Variants in CDH12 observed in about 807,000 individuals in gnomAD.
CDH12 encodes cadherin-12.
Under a neutral mutation model 74.1 loss-of-function variants are expected in CDH12, and 41 were observed. That is an observed-to-expected ratio of 0.55 (90% CI 0.43 to 0.72). The LOEUF (loss-of-function observed/expected upper bound fraction) is 0.72. CDH12 is among the 30% of genes least tolerant of loss of function. The pLI, the probability that CDH12 is intolerant of heterozygous loss-of-function variation, is 0.00. For missense variants in CDH12, 945 were observed against 977.2 expected, an observed-to-expected ratio of 0.97 and a Z score of 0.44; for synonymous variants, 399 against 355.0, an observed-to-expected ratio of 1.12 and a Z score of -1.39.
At chr5:22,034,286 C>T (rs1415495014) in intron 5 of CDH12, among the ~76,000 whole-genome samples, 4 of 152,172 alleles carry the variant, frequency 2.6e-5, no homozygotes, top group Non-Finnish European at 5.9e-5. Context: ...CTGCCCACCT[C>T]GGCCTCCCAG....
intron 9 of CDH12, among the ~76,000 whole-genome samples, chr5:21,806,980 GC>G (rs1561201255): frequency 6.6e-6 from 1 of 152,146 alleles, no homozygotes; most frequent in African/African-American, 2.4e-5. Flanking sequence ...TATGATAGTG[GC>G]CTGAATTCTG....
intron 1 of CDH12, among the ~76,000 whole-genome samples, chr5:22,700,770 T>G (rs2126959163): frequency 6.6e-6 from 1 of 152,328 alleles, no homozygotes; most frequent in Admixed American, 6.5e-5. Flanking sequence ...TTGAATCCAT[T>G]AATTCTAATG....
chr5:21,936,847 A>G (rs1426414032), intron 6 of CDH12, among the ~76,000 whole-genome samples: 3 of 152,084 alleles, frequency 2.0e-5, no homozygotes, highest in Non-Finnish European at 4.4e-5. Context: ...TTTCCCCTGC[A>G]TGCTCTCTCT....
rs1488112306 is a variant in CDH12 at position 22,562,014 on chromosome 5, A to G, written c.-522-56650T>C. 2.6e-5 allele frequency among the ~76,000 whole-genome samples: 4 copies of G among 152,336 alleles called. No homozygotes were observed. The East Asian group carries it at 7.7e-4, about 29-fold the overall frequency. On this transcript the variant is annotated intron_variant, in intron 1 of 14. Coordinates refer to ENST00000382254, the MANE Select transcript of CDH12 (RefSeq NM_004061.5). ...ACAGTGTATAAAAATGTTTTCATCA[A>G]TGTAATTTAAACATACATAGAGGCC... is the stretch of plus-strand genomic sequence containing the variant.
intron 1 of CDH12, among the ~76,000 whole-genome samples, chr5:22,831,567 C>A (rs1736613883): frequency 6.6e-6 from 1 of 151,848 alleles, no homozygotes; most frequent in Non-Finnish European, 1.5e-5. Context: ...AAACAAAAAC[C>A]AGGAAGACTA....
At chr5:22,239,412 A>G (rs919466480) in intron 3 of CDH12, among the ~76,000 whole-genome samples, 1 of 151,952 alleles carries the variant, frequency 6.6e-6, no homozygotes, top group Non-Finnish European at 1.5e-5. Context: ...AGATTATTCA[A>G]TAACATCAGA....
intron 4 of CDH12, among the ~76,000 whole-genome samples, chr5:22,180,712 G>A (rs1384122544): frequency 6.6e-6 from 1 of 151,962 alleles, no homozygotes; most frequent in Non-Finnish European, 1.5e-5. Context: ...TGTTGGCCAG[G>A]CTGGTCTCGA....
At position 21,752,236 on chromosome 5, in the gene CDH12, G is replaced by T; in HGVS notation, c.1886C>A (p.Ala629Asp). Residue 629 changes from alanine to aspartate, a missense_variant and splice_region_variant, in exon 15 of 15, where the codon GCC becomes GAC. Around this residue, in one of 3 missense-constraint regions of CDH12, gnomAD observed 791 missense variants for 792.8 expected, o/e 1.00. Transcript: ENST00000382254. ...AILLCIVILL[A>D]IVVLYVALRR... ...CAGTGCTACATACAGTACAACTATG[G>T]CTGGAACAAGACAAAAATTGCAATT... 1 of 1,575,788 alleles carries T rather than the reference G, an allele frequency of 6.3e-7. No homozygotes were observed. Among genetic ancestry groups the T allele is most frequent in the Non-Finnish European group, 8.6e-7 (1 of 1,161,846 alleles).
intron 6 of CDH12, among the ~76,000 whole-genome samples, chr5:21,930,556 T>C (rs1000392540): frequency 8.5e-5 from 13 of 152,184 alleles, no homozygotes; most frequent in African/African-American, 3.1e-4. Flanking sequence ...AACCTGTTTC[T>C]TGAAAATTTA....
chr5:22,514,829 T>C (rs1055682000), intron 1 of CDH12, among the ~76,000 whole-genome samples: 1 of 152,116 alleles, frequency 6.6e-6, no homozygotes, highest in African/African-American at 2.4e-5. Flanking sequence ...ATATCTGATA[T>C]AGTTCACTAA....
intron 4 of CDH12, among the ~76,000 whole-genome samples, chr5:22,093,030 T>A (rs1269149078): frequency 6.6e-6 from 1 of 152,002 alleles, no homozygotes; most frequent in East Asian, 1.9e-4. Flanking sequence ...CCTTGCAGCA[T>A]GGGGCTGATG....
At chr5:22,808,405 G>T (rs970825920) in intron 1 of CDH12, among the ~76,000 whole-genome samples, 1 of 151,984 alleles carries the variant, frequency 6.6e-6, no homozygotes, top group East Asian at 1.9e-4. Flanking sequence ...CTTTTTCAGA[G>T]AAAATTTTAA....
At chr5:22,191,552 G>GTGTT (rs1750276816) in intron 4 of CDH12, among the ~76,000 whole-genome samples, 1 of 109,708 alleles carries the variant, frequency 9.1e-6, no homozygotes, top group African/African-American at 3.2e-5. Context: ...TACACCAATG[G>GTGTT]TCTTTTTATT....
intron 4 of CDH12, among the ~76,000 whole-genome samples, chr5:22,115,459 T>C (rs1745032544): frequency 6.6e-6 from 1 of 152,162 alleles, no homozygotes; most frequent in East Asian, 1.9e-4. Flanking sequence ...TTACAATATA[T>C]TGCCATCAAC....
chr5:22,503,373 T>C (rs1368694516), intron 2 of CDH12, among the ~76,000 whole-genome samples: 1 of 152,062 alleles, frequency 6.6e-6, no homozygotes, highest in African/African-American at 2.4e-5. Context: ...AAAAGTTAAA[T>C]TGATAAAAGA....
At chr5:22,634,876 T>G (rs1738759386) in intron 1 of CDH12, among the ~76,000 whole-genome samples, 1 of 152,222 alleles carries the variant, frequency 6.6e-6, no homozygotes, top group African/African-American at 2.4e-5. Context: ...TCTAAAGTTG[T>G]CTCTTCATCA....
chr5:22,302,330 G>T (rs1279268372), intron 3 of CDH12, among the ~76,000 whole-genome samples: 1 of 152,118 alleles, frequency 6.6e-6, no homozygotes, highest in Non-Finnish European at 1.5e-5. Context: ...TGTATAAATT[G>T]CATTTGTATG....
intron 3 of CDH12, among the ~76,000 whole-genome samples, chr5:22,301,520 A>G (rs1278866630): frequency 6.6e-6 from 1 of 152,246 alleles, no homozygotes; most frequent in Non-Finnish European, 1.5e-5. Context: ...AACTTCAGCC[A>G]CAACAAAATA....
intron 10 of CDH12, among the ~76,000 whole-genome samples, chr5:21,791,186 A>G (rs955871261): frequency 3.3e-5 from 5 of 152,080 alleles, no homozygotes; most frequent in African/African-American, 1.2e-4. Flanking sequence ...TGCTCTGTCT[A>G]TATGTGACTG....
Sources: gnomAD v4.1 joint callset for allele counts (sites outside exome capture counted in the v4.1 genomes callset) on GRCh38, gnomAD v4.1.1 for gene constraint, gnomAD v4.1.1 regional missense constraint, MANE v1.5 for transcripts, NCBI Gene and HGNC (gene_info 2026-07-23, HGNC 2026-07-21) for gene names.